The following KCTD21 variants were observed in gnomAD, a reference collection of about 807,000 sequenced individuals.
KCTD21 encodes BTB/POZ domain-containing protein KCTD21.
A neutral mutation model predicts 13.2 loss-of-function variants in KCTD21; 9 were observed. The ratio of observed to expected loss-of-function variants is 0.68; its 90% confidence interval spans 0.41 to 1.19. The LOEUF is 1.19. Ranked by LOEUF, KCTD21 falls within the 50% of genes most tolerant of loss-of-function variation. KCTD21 has a pLI of 0.01. For missense variants in KCTD21, 303 were observed against 336.5 expected (o/e 0.90, Z 0.78); for synonymous variants, 142 against 137.4 (o/e 1.03, Z -0.23).
In KCTD21 at chr11:78,174,592, G is replaced by C. The variant is rs375754749; in HGVS notation, c.-29-9C>G. 1.9e-4 allele frequency: 294 copies of C among 1,561,676 alleles called. 1 individual carries two copies. Among genetic ancestry groups the C allele is most frequent in the Non-Finnish European group, 2.4e-4 (273 of 1,153,684 alleles). Reference sequence around the variant, plus strand: ...GGTTGCTGGAAGTAGTCCTGGAGAGGGTGAGAAGTGAGAAATGACTATAAC... The same window carrying C: ...GGTTGCTGGAAGTAGTCCTGGAGAGCGTGAGAAGTGAGAAATGACTATAAC... On this transcript the variant is annotated splice_polypyrimidine_tract_variant and intron_variant, in intron 1 of 1. Transcript: ENST00000340067.
At position 78,188,560 on chromosome 11, in the gene KCTD21, G is replaced by A. The variant is rs966840008; in HGVS notation, c.-30+13C>T. ...GTCCCCGAGCCCCGCGACCCCGGCC[G>A]TGCCGCACCCACCTCCTGCCCTCGC... is the stretch of plus-strand genomic sequence containing the variant. On this transcript the variant is annotated intron_variant, in intron 1 of 1. Coordinates refer to ENST00000340067, the MANE Select transcript of KCTD21 (RefSeq NM_001029859.3). The A allele has an allele frequency of 1.7e-5, 17 of 985,754 alleles. No individual in the cohort carries two copies. Among genetic ancestry groups the A allele is most frequent in the Middle Eastern group, 5.2e-4 (1 of 1,916 alleles). The allele number at this position is 985,754 out of a possible 1,614,324, so 61.1% of individuals were successfully genotyped here.
At position 78,174,086 on chromosome 11, in the gene KCTD21, T is replaced by G; in HGVS notation, c.469A>C (p.Lys157Gln). 1 of 1,614,082 alleles carries G rather than the reference T, an allele frequency of 6.2e-7. No individual in the cohort carries two copies. The highest frequency in any genetic ancestry group is 8.5e-7 in the Non-Finnish European group (1 of 1,180,026). ...TAGAAGAGCTTAGAGCCAAGGAGCT[T>G]GAGGAAGAGGCAGGAGGTGCTGAAG... ...NIFSTSCLFL[K>Q]LLGSKLFYCS... The change falls in exon 2 of 2, where the codon AAG becomes CAG. Residue 157 changes from lysine to glutamine, a missense_variant. By Grantham distance (53) the Lys-to-Gln change is moderately conservative. Coordinates refer to ENST00000340067, the MANE Select transcript of KCTD21 (RefSeq NM_001029859.3).
intron 1 of KCTD21, among the ~76,000 whole-genome samples, chr11:78,183,703 C>T (rs1254569283): frequency 6.9e-6 from 1 of 144,644 alleles, no homozygotes; most frequent in Admixed American, 7.0e-5. Context: ...GGTGTGATTT[C>T]GGCTCACTGC....
At position 78,172,919 on chromosome 11, in the gene KCTD21, A is replaced by G. The variant is rs989105905; in HGVS notation, c.*853T>C. ...TGGGGGAGGACTAAGCAATCATCGA[A>G]TTATTTCCAACCCTGAGAATCCGTA... On this transcript the variant is annotated 3_prime_UTR_variant, in exon 2 of 2. Transcript: ENST00000340067. 1 of 152,582 alleles carries G rather than the reference A, an allele frequency of 6.6e-6. No homozygotes were observed. The highest frequency in any genetic ancestry group is 1.5e-5 in the Non-Finnish European group (1 of 68,024). The allele number at this position is 152,582 out of a possible 1,614,324, so 9.5% of individuals were successfully genotyped here.
At position 78,187,752 on chromosome 11, in the gene KCTD21, G is replaced by T. The variant is rs1243080125; in HGVS notation, c.-30+821C>A. ...CAGGCTGTCATTCGGAAGGGTTGGG[G>T]GGACTGGTCCTGCCAGACAATTTGC... On this transcript the variant is annotated intron_variant, in intron 1 of 1. Transcript: ENST00000340067. 8.1e-6 allele frequency: 8 copies of T among 985,288 alleles called. No individual in the cohort carries two copies. The African/African-American group carries it at 1.4e-4, about 17-fold the overall frequency. 61.0% of individuals were successfully genotyped at this position (985,288 alleles called of 1,614,324 possible).
Position 78,188,086 on chromosome 11 carries a change from C to T in KCTD21, c.-30+487G>A. Reference sequence around the variant, plus strand: ...TCACAGGCTTTTGCCCACGCCGCCACAGCGCGGCCGGCCCAGGGCTCTCCA... The same window carrying T: ...TCACAGGCTTTTGCCCACGCCGCCATAGCGCGGCCGGCCCAGGGCTCTCCA... On this transcript the variant is annotated intron_variant, in intron 1 of 1. Transcript: ENST00000340067. 3.0e-6 allele frequency: 3 copies of T among 985,450 alleles called. No homozygotes were observed. The South Asian group carries it at 1.4e-4, about 46-fold the overall frequency. The allele number at this position is 985,450 out of a possible 1,614,324, so 61.0% of individuals were successfully genotyped here.
intron 1 of KCTD21, among the ~76,000 whole-genome samples, chr11:78,184,281 C>G (rs1255130659): frequency 6.6e-6 from 1 of 152,228 alleles, no homozygotes; most frequent in Admixed American, 6.5e-5. Context: ...TAACCCCAAT[C>G]TAATCATTGA....
At position 78,178,408 on chromosome 11, in the gene KCTD21, G is replaced by A. The variant is rs527585538; in HGVS notation, c.-29-3825C>T. ...CTCCCAAAGTGCTGGGATTACAGGC[G>A]TGAGCCACCGTGCCTGGTCTAAGCC... On this transcript the variant is annotated intron_variant, in intron 1 of 1. Coordinates refer to ENST00000340067, the MANE Select transcript of KCTD21 (RefSeq NM_001029859.3). 7.2e-5 allele frequency among the ~76,000 whole-genome samples: 11 copies of A among 152,280 alleles called. No homozygotes were observed. In the South Asian group the frequency reaches 1.9e-3, roughly 26 times the overall value.
chr11:78,188,573 C>T lies in KCTD21; in HGVS notation c.-30G>A. On this transcript the variant is annotated splice_region_variant and 5_prime_UTR_variant, in exon 1 of 2. Transcript: ENST00000340067. ...GCGACCCCGGCCGTGCCGCACCCAC[C>T]TCCTGCCCTCGCTCTGCAGCCTCTC... 2.0e-6 allele frequency: 2 copies of T among 985,656 alleles called. No individual in the cohort carries two copies. The highest frequency in any genetic ancestry group is 2.4e-6 in the Non-Finnish European group (2 of 830,148). The allele number at this position is 985,656 out of a possible 1,614,324, so 61.1% of individuals were successfully genotyped here.
rs1376869539 is a variant in KCTD21, at chr11:78,172,329, C to T, written c.*1443G>A. 1 of 152,264 alleles carries T rather than the reference C, an allele frequency of 6.6e-6. No homozygotes were observed. Among genetic ancestry groups the T allele is most frequent in the Admixed American group, 6.5e-5 (1 of 15,278 alleles). The allele number at this position is 152,264 out of a possible 1,614,324, so 9.4% of individuals were successfully genotyped here. A position where few individuals can be genotyped will look rare whatever the true frequency, so the allele number is the denominator to read the frequency against. On this transcript the variant is annotated 3_prime_UTR_variant, in exon 2 of 2. Coordinates refer to ENST00000340067, the MANE Select transcript of KCTD21 (RefSeq NM_001029859.3). The stretch of plus-strand genomic sequence containing the variant: ...GGGCCGCACATTTACTCTAAGGGCA[C>T]TGTTACGGTTCATACCACTCCTGGG...
chr11:78,188,113 A>G, intron 1 of KCTD21: 1 of 985,332 alleles, frequency 1.0e-6, no homozygotes, highest in African/African-American at 1.7e-5. Flanking sequence ...GGCTCTCCAG[A>G]GCGGGGCAAG....
At position 78,175,799 on chromosome 11, in the gene KCTD21, T is replaced by G. The variant is rs954776988; in HGVS notation, c.-29-1216A>C. The stretch of plus-strand genomic sequence containing the variant: ...GCACAATGTGCAGGTTAGTTACATA[T>G]GTATACATGCGCCATGCTGGTGTGC... On this transcript the variant is annotated intron_variant, in intron 1 of 1. Transcript: ENST00000340067. 3.3e-5 allele frequency among the ~76,000 whole-genome samples: 5 copies of G among 152,176 alleles called. 1 individual carries two copies. The highest frequency in any genetic ancestry group is 5.9e-5 in the Non-Finnish European group (4 of 68,034).
In KCTD21 at chr11:78,180,487, C is replaced by T. The variant is rs370334169; in HGVS notation, c.-29-5904G>A. ...AACAGCCTGGCCGACATGGTGAAAC[C>T]CTATCTCTACTTAAACAAAAACAAA... is the stretch of plus-strand genomic sequence containing the variant. On this transcript the variant is annotated intron_variant, in intron 1 of 1. Transcript: ENST00000340067. Among the ~76,000 whole-genome samples the T allele has an allele frequency of 4.6e-5, 7 of 152,244 alleles. No individual in the cohort carries two copies. The East Asian group carries it at 7.7e-4, about 17-fold the overall frequency.
At chr11:78,178,762 T>A (rs1862530004) in intron 1 of KCTD21, among the ~76,000 whole-genome samples, 1 of 152,206 alleles carries the variant, frequency 6.6e-6, no homozygotes, top group Non-Finnish European at 1.5e-5. Context: ...TTCCCAAAGC[T>A]GGATCAGAAG....
At position 78,173,697 on chromosome 11, in the gene KCTD21, T is replaced by C; in HGVS notation, c.*75A>G. On this transcript the variant is annotated 3_prime_UTR_variant, in exon 2 of 2. Coordinates refer to ENST00000340067, the MANE Select transcript of KCTD21 (RefSeq NM_001029859.3). ...AGTATAGTCCCCTGCCTCGCACCAC[T>C]GGCGAGATGCCCTCCAAGACCTGGC... 1 of 1,254,056 alleles carries C rather than the reference T, an allele frequency of 8.0e-7. No individual in the cohort carries two copies. Among genetic ancestry groups the C allele is most frequent in the Admixed American group, 2.0e-5 (1 of 51,260 alleles). 77.7% of individuals were successfully genotyped at this position (1,254,056 alleles called of 1,614,324 possible). A position where few individuals can be genotyped will look rare whatever the true frequency, so the allele number is the denominator to read the frequency against.
At position 78,188,580 on chromosome 11, in the gene KCTD21, C is replaced by T. The variant is rs373868753; in HGVS notation, c.-37G>A. 13 of 985,728 alleles carry T rather than the reference C, an allele frequency of 1.3e-5. No homozygotes were observed. In the East Asian group the frequency reaches 5.7e-4, roughly 43 times the overall value. 61.1% of individuals were successfully genotyped at this position (985,728 alleles called of 1,614,324 possible). A position where few individuals can be genotyped will look rare whatever the true frequency, so the allele number is the denominator to read the frequency against. ...CGGCCGTGCCGCACCCACCTCCTGC[C>T]CTCGCTCTGCAGCCTCTCCCTCCGC... On this transcript the variant is annotated 5_prime_UTR_variant, in exon 1 of 2. Coordinates refer to ENST00000340067, the MANE Select transcript of KCTD21 (RefSeq NM_001029859.3).
chr11:78,186,561 ACACTACAACGG>A (rs113758182), intron 1 of KCTD21: 6,811 of 370,360 alleles, frequency 0.018, 421 homozygotes, highest in African/African-American at 0.14. Context: ...ACAACAACAA[ACACTACAACGG>A]CAATAATAAT....
At chr11:78,178,149 T>TG in intron 1 of KCTD21, among the ~76,000 whole-genome samples, 1 of 150,034 alleles carries the variant, frequency 6.7e-6, no homozygotes, top group Admixed American at 6.7e-5. Flanking sequence ...TTTTTTGAGA[T>TG]GGAGTCTCGC....
chr11:78,187,860 A>G, intron 1 of KCTD21: 1 of 985,368 alleles, frequency 1.0e-6, no homozygotes, highest in Non-Finnish European at 1.2e-6. Context: ...GGAGAAAAGC[A>G]AGGTCTTTGA....
Sources: gnomAD v4.1 joint callset for allele counts (sites outside exome capture counted in the v4.1 genomes callset) on GRCh38, gnomAD v4.1.1 for gene constraint, MANE v1.5 for transcripts, NCBI Gene and HGNC (gene_info 2026-07-23, HGNC 2026-07-21) for gene names.